The following VAV2 variants were observed in gnomAD, a reference collection of about 807,000 sequenced individuals.
VAV2 encodes guanine nucleotide exchange factor VAV2.
VAV2 carries 67 observed loss-of-function variants against 132.5 expected under a neutral mutation model. The ratio of observed to expected loss-of-function variants is 0.51; its 90% CI spans 0.42 to 0.62. VAV2 has a LOEUF of 0.62. Among genes scored for constraint, VAV2 ranks in the 20% least tolerant of loss-of-function variants. VAV2 has a pLI of 0.00. For synonymous variants in VAV2, 492 were observed against 443.5 expected, an observed-to-expected ratio of 1.11 and a Z score of -1.37; for missense variants, 938 against 1,153.6, an observed-to-expected ratio of 0.81 and a Z score of 2.71.
At chr9:133,972,393 G>T (rs942260430) in intron 1 of VAV2, among the ~76,000 whole-genome samples, 10 of 152,334 alleles carry the variant, frequency 6.6e-5, no homozygotes, top group Admixed American at 3.3e-4. Flanking sequence ...GGGCAGGGGT[G>T]GGGGAGGCTC....
At chr9:133,806,366 T>C (rs1321070561) in intron 8 of VAV2, among the ~76,000 whole-genome samples, 185 bp from the exon 9 acceptor site, 2 of 152,118 alleles carry the variant, frequency 1.3e-5, no homozygotes, top group African/African-American at 4.8e-5. Flanking sequence ...TCTATGGCGA[T>C]GGTGCAACAG....
chr9:133,829,783 T>A (rs939593336), intron 4 of VAV2, among the ~76,000 whole-genome samples: 3 of 152,202 alleles, frequency 2.0e-5, no homozygotes, highest in Non-Finnish European at 4.4e-5. Flanking sequence ...TAAGCCACTA[T>A]GCCCAGCCTA....
chr9:133,768,038 CAGG>C lies in VAV2; in HGVS notation c.2589+401_2589+403del, dbSNP rs1362337030. Reference sequence around the variant, plus strand: ...GCATAGATAGGGCCTTAGAAAATGGCAGGAGGAGCCCAGCAAGGACACCGTGTC... The same window carrying C: ...GCATAGATAGGGCCTTAGAAAATGGCAGGAGCCCAGCAAGGACACCGTGTC... On this transcript the variant is annotated intron_variant, in intron 29 of 29. Coordinates refer to ENST00000371850, the MANE Select transcript of VAV2 (RefSeq NM_001134398.2). This position sits in a 1 kb window ranked among gnomAD's most constrained non-coding sequence, Gnocchi z 5.3. Among the ~76,000 whole-genome samples the C allele has an allele frequency of 6.6e-6, 1 of 152,182 alleles. No individual in the cohort carries two copies. The highest frequency in any genetic ancestry group is 1.5e-5 in the Non-Finnish European group (1 of 68,038).
chr9:133,844,702 G>A (rs1836861061), intron 3 of VAV2, among the ~76,000 whole-genome samples: 1 of 152,242 alleles, frequency 6.6e-6, no homozygotes, highest in African/African-American at 2.4e-5. Flanking sequence ...GCCTTGGCCT[G>A]GGGACCCTCG....
intron 2 of VAV2, among the ~76,000 whole-genome samples, chr9:133,878,889 C>T (rs984081684): frequency 1.3e-5 from 2 of 152,208 alleles, no homozygotes; most frequent in African/African-American, 2.4e-5. Context: ...CTCCTTTGCA[C>T]ATATGCCAGG....
At chr9:133,865,739 G>A (rs1263916719) in intron 2 of VAV2, among the ~76,000 whole-genome samples, 1 of 152,118 alleles carries the variant, frequency 6.6e-6, no homozygotes, top group Non-Finnish European at 1.5e-5. Flanking sequence ...TGGCTAGTCT[G>A]GTAAACATAC....
In VAV2 at chr9:133,909,179, G is replaced by GA. The variant is rs146241294; in HGVS notation, c.321+29923dup. Among the ~76,000 whole-genome samples, 1,193 of 151,526 alleles carry GA rather than the reference G, an allele frequency of 7.9e-3. 19 individuals are homozygous for GA. The highest frequency in any genetic ancestry group is 0.027 in the African/African-American group (1,117 of 41,218). On this transcript the variant is annotated intron_variant, in intron 2 of 29. Transcript: ENST00000371850. ...GAAGATGGTTATTGACTCATTCCGA[G>GA]AACTGTCTCCCGGTGGAGACAAATC... is the stretch of plus-strand genomic sequence containing the variant.
At chr9:133,783,092 A>G (rs1834067199) in intron 19 of VAV2, among the ~76,000 whole-genome samples, 2 of 152,180 alleles carry the variant, frequency 1.3e-5, no homozygotes, top group Admixed American at 1.3e-4. Context: ...TAACATGGCT[A>G]TAGCTACTGA....
intron 4 of VAV2, among the ~76,000 whole-genome samples, chr9:133,830,901 T>C (rs1161602945): frequency 6.6e-6 from 1 of 152,102 alleles, no homozygotes; most frequent in Non-Finnish European, 1.5e-5. Flanking sequence ...TGGGACCAAA[T>C]TGCAAGTTAA....
chr9:133,985,241 T>A (rs928662992), intron 1 of VAV2, among the ~76,000 whole-genome samples: 13 of 145,492 alleles, frequency 8.9e-5, no homozygotes, highest in African/African-American at 3.6e-4. Context: ...TGTGTGTGTG[T>A]GTGTGTGTGT....
intron 1 of VAV2, among the ~76,000 whole-genome samples, chr9:133,946,614 G>A (rs182226039): frequency 5.9e-5 from 9 of 152,240 alleles, no homozygotes; most frequent in African/African-American, 2.2e-4. Flanking sequence ...ACGCCTGGCT[G>A]CTCTGCTTCC....
chr9:133,800,064 G>GC (rs1834872710), intron 9 of VAV2, among the ~76,000 whole-genome samples: 4 of 152,218 alleles, frequency 2.6e-5, no homozygotes, highest in Non-Finnish European at 5.9e-5. Flanking sequence ...TACCCATGGG[G>GC]ACACTGAGGC....
At chr9:133,984,278 T>C (rs1421252745) in intron 1 of VAV2, among the ~76,000 whole-genome samples, 5 of 148,118 alleles carry the variant, frequency 3.4e-5, no homozygotes, top group Admixed American at 3.4e-4. Flanking sequence ...CTAGTCTGTC[T>C]CTGTGTTTTG....
intron 2 of VAV2, among the ~76,000 whole-genome samples, chr9:133,876,295 G>A (rs576374908): frequency 5.9e-5 from 9 of 152,388 alleles, no homozygotes; most frequent in Non-Finnish European, 1.0e-4. Context: ...CCCTGGGATG[G>A]CCCCATTCAG....
intron 3 of VAV2, among the ~76,000 whole-genome samples, chr9:133,858,250 G>A (rs1837459833): frequency 6.6e-6 from 1 of 152,186 alleles, no homozygotes; most frequent in African/African-American, 2.4e-5. Flanking sequence ...CAGGATCAGT[G>A]TGGCCTCTGC....
At chr9:133,818,744 CT>C (rs1314200284) in intron 4 of VAV2, among the ~76,000 whole-genome samples, 1 of 152,204 alleles carries the variant, frequency 6.6e-6, no homozygotes, top group African/African-American at 2.4e-5. Flanking sequence ...ATTGCAACAT[CT>C]GGGTCATCTG....
intron 2 of VAV2, among the ~76,000 whole-genome samples, chr9:133,904,766 G>A (rs2789823): frequency 0.77 from 117,780 of 152,306 alleles, 54,676 homozygotes; most frequent in East Asian, 1. Flanking sequence ...AGTGCTGAGG[G>A]CCCCGTGAAG....
At chr9:133,792,427 T>C (rs559871528) in intron 12 of VAV2, among the ~76,000 whole-genome samples, 39 of 150,654 alleles carry the variant, frequency 2.6e-4, no homozygotes, top group Non-Finnish European at 3.7e-4. Context: ...TGAGAACATG[T>C]GTGTCTGAGT....
chr9:133,946,596 C>A (rs1321747729), intron 1 of VAV2, among the ~76,000 whole-genome samples: 12 of 152,226 alleles, frequency 7.9e-5, no homozygotes, highest in Admixed American at 7.8e-4. Context: ...TTAGCAGAGA[C>A]CGATTGCACG....
Sources: allele counts gnomAD v4.1 joint callset (sites outside exome capture counted in the v4.1 genomes callset), GRCh38; gene constraint gnomAD v4.1.1; non-coding constraint Gnocchi (gnomAD v3.1); transcripts MANE v1.5; gene names NCBI Gene and HGNC (gene_info 2026-07-23, HGNC 2026-07-21).